The following GLG1 variants were observed in gnomAD, a reference collection of about 807,000 sequenced individuals.
The protein encoded by GLG1 is Golgi apparatus protein 1.
In GLG1, 38 loss-of-function variants were observed where a neutral mutation model predicts 160.5. That is an observed-to-expected ratio of 0.24 (90% CI 0.18 to 0.31). The LOEUF (loss-of-function observed/expected upper bound fraction) is 0.31, where lower values mean the gene tolerates loss of function less well. GLG1 is among the 10% of genes least tolerant of loss of function. The pLI is 1.00. For synonymous variants in GLG1, 644 were observed against 543.4 expected, an observed-to-expected ratio of 1.19 and a Z score of -2.57; for missense variants, 1,373 against 1,505.2, an observed-to-expected ratio of 0.91 and a Z score of 1.45.
intron 1 of GLG1, among the ~76,000 whole-genome samples, chr16:74,573,153 C>T (rs1231986546): frequency 6.6e-6 from 1 of 151,922 alleles, no homozygotes; most frequent in African/African-American, 2.4e-5. Flanking sequence ...GACACATAAG[C>T]CCAGCAAAAA....
chr16:74,507,943 G>C (rs1042586323), intron 3 of GLG1, among the ~76,000 whole-genome samples: 2 of 152,110 alleles, frequency 1.3e-5, no homozygotes, highest in African/African-American at 4.8e-5. Flanking sequence ...AGGAGCTAAA[G>C]ATAAATTTTT....
chr16:74,464,831 AGTTT>A (rs2014940408), intron 19 of GLG1, among the ~76,000 whole-genome samples: 4 of 142,352 alleles, frequency 2.8e-5, no homozygotes, highest in Non-Finnish European at 4.8e-5. Context: ...CTTTAGTTTA[AGTTT>A]AAAAAAAATT....
intron 1 of GLG1, among the ~76,000 whole-genome samples, chr16:74,570,155 GAAT>G (rs2018787032): frequency 6.6e-6 from 1 of 151,762 alleles, no homozygotes; most frequent in Admixed American, 6.6e-5. Context: ...AAATCAATCA[GAAT>G]AATAAATCCA....
At chr16:74,604,830 C>G (rs990792407) in intron 1 of GLG1, among the ~76,000 whole-genome samples, 3 of 152,174 alleles carry the variant, frequency 2.0e-5, no homozygotes, top group African/African-American at 7.2e-5. Flanking sequence ...GCTGGCAGAT[C>G]ACAAGGTCAG....
intron 2 of GLG1, among the ~76,000 whole-genome samples, chr16:74,513,786 GA>G (rs2016887959): frequency 6.6e-6 from 1 of 152,104 alleles, no homozygotes. Flanking sequence ...GAAGGAGAAC[GA>G]ATTTGACAAG....
At chr16:74,523,449 T>A (rs1187779258) in intron 2 of GLG1, among the ~76,000 whole-genome samples, 1 of 152,180 alleles carries the variant, frequency 6.6e-6, no homozygotes, top group African/African-American at 2.4e-5. Flanking sequence ...TGTTTCCACA[T>A]AAATTTTAAA....
intron 1 of GLG1, among the ~76,000 whole-genome samples, chr16:74,547,627 G>T (rs1306985980): frequency 6.6e-6 from 1 of 152,228 alleles, no homozygotes; most frequent in Non-Finnish European, 1.5e-5. Flanking sequence ...GCATGAAAAT[G>T]CTTTGAATGA....
chr16:74,584,791 C>T (rs1374967223), intron 1 of GLG1, among the ~76,000 whole-genome samples: 1 of 152,056 alleles, frequency 6.6e-6, no homozygotes, highest in African/African-American at 2.4e-5. Flanking sequence ...TGGTGCGCGC[C>T]TGTAGTCCCA....
Position 74,508,855 on chromosome 16 carries a change from T to C in GLG1, c.542A>G (p.Lys181Arg), listed in dbSNP as rs1175810278. Reference protein sequence around the residue: ...KFESVAREVCKSTITEIKECA... With the variant: ...KFESVAREVCRSTITEIKECA... ...ACAACTTACCTCTGTTATAGTAGATTTGCAAACCTCTCTGGCCACAGATTC... is the reference window on the plus strand; with the variant it reads ...ACAACTTACCTCTGTTATAGTAGATCTGCAAACCTCTCTGGCCACAGATTC... Residue 181 changes from lysine to arginine, a missense_variant, in exon 3 of 26, where the codon AAA becomes AGA. Around this residue, in one of 4 missense-constraint regions of GLG1, gnomAD observed 322 missense variants for 254.6 expected, o/e 1.26. Transcript: ENST00000422840. 1.3e-6 allele frequency: 2 copies of C among 1,496,890 alleles called. No homozygotes were observed. The highest frequency in any genetic ancestry group is 2.8e-5 in the African/African-American group (2 of 72,648). The allele number at this position is 1,496,890 out of a possible 1,614,324, so 92.7% of individuals were successfully genotyped here. A position where few individuals can be genotyped will look rare whatever the true frequency, so the allele number is the denominator to read the frequency against.
At chr16:74,518,553 G>T (rs1346015585) in intron 2 of GLG1, among the ~76,000 whole-genome samples, 1 of 152,158 alleles carries the variant, frequency 6.6e-6, no homozygotes, top group Non-Finnish European at 1.5e-5. Context: ...ATAAACTCAA[G>T]ATGGATCAAA....
At chr16:74,494,607 A>G (rs1159612540) in intron 6 of GLG1, among the ~76,000 whole-genome samples, 153 bp downstream of exon 6, 2 of 151,932 alleles carry the variant, frequency 1.3e-5, no homozygotes, top group African/African-American at 4.8e-5. Flanking sequence ...GCGTTTCACC[A>G]TCTTGGCCAG....
Position 74,469,000 on chromosome 16 carries a change from C to T in GLG1, c.2382G>A (p.Glu794=). Residue 794 remains glutamate, a synonymous_variant, in exon 17 of 26, where the codon GAG becomes GAA. Transcript: ENST00000422840. ...VRNDTLQEAK[E]HRVSLKCRRQ... ...TGCGGCACTTCAGGGACACCCTGTGCTCCTTGGCTTCCTGCAGAGTGTCAT... is the reference window on the plus strand; with the variant it reads ...TGCGGCACTTCAGGGACACCCTGTGTTCCTTGGCTTCCTGCAGAGTGTCAT... The T allele has an allele frequency of 1.2e-6, 2 of 1,613,944 alleles. No homozygotes were observed. Among genetic ancestry groups the T allele is most frequent in the Non-Finnish European group, 1.7e-6 (2 of 1,179,756 alleles).
At chr16:74,545,961 A>ATTTG (rs2018033532) in intron 1 of GLG1, among the ~76,000 whole-genome samples, 1 of 152,212 alleles carries the variant, frequency 6.6e-6, no homozygotes, top group Non-Finnish European at 1.5e-5. Flanking sequence ...AATGTCATGC[A>ATTTG]TTTGTCTGAG....
At chr16:74,475,722 T>G (rs1454838926) in intron 12 of GLG1, among the ~76,000 whole-genome samples, 1 of 152,256 alleles carries the variant, frequency 6.6e-6, no homozygotes, top group Non-Finnish European at 1.5e-5. Context: ...TTTAACTTAC[T>G]ATTCTGCAAG....
chr16:74,552,669 G>A (rs925618069), intron 1 of GLG1: 2 of 166,242 alleles, frequency 1.2e-5, no homozygotes, highest in Non-Finnish European at 2.6e-5. Flanking sequence ...TGAGAAAGCC[G>A]AGGCTGGGGT....
chr16:74,553,258 C>T (rs1222009331), intron 1 of GLG1, among the ~76,000 whole-genome samples: 3 of 151,572 alleles, frequency 2.0e-5, no homozygotes, highest in Admixed American at 6.6e-5. Context: ...GACAGGGTCT[C>T]GCTATGTTGC....
chr16:74,524,526 G>C (rs1442939698), intron 2 of GLG1, among the ~76,000 whole-genome samples: 1 of 151,214 alleles, frequency 6.6e-6, no homozygotes, highest in African/African-American at 2.4e-5. Flanking sequence ...TATGACAACA[G>C]TACTATGGTC....
At chr16:74,455,534 G>C (rs550882046) in intron 25 of GLG1, among the ~76,000 whole-genome samples, 1 of 152,236 alleles carries the variant, frequency 6.6e-6, no homozygotes, top group African/African-American at 2.4e-5. Flanking sequence ...GCAGAAGGGT[G>C]AGGAGAGTGT....
chr16:74,483,109 C>G lies in GLG1; in HGVS notation c.1587G>C (p.Leu529=), dbSNP rs749999729. The change falls in exon 10 of 26, where the codon CTG becomes CTC. Residue 529 remains leucine (L), a synonymous_variant. Transcript: ENST00000422840. The stretch of plus-strand genomic sequence containing the variant: ...TCTTCTCTGTGTATAAATGTTCCAT[C>G]AGGCACGACAAGATCCTAGCCATTA... ...RSGDPMILSC[L]MEHLYTEKMV... The G allele has an allele frequency of 1.1e-5, 18 of 1,598,872 alleles. No individual in the cohort carries two copies. Among genetic ancestry groups the G allele is most frequent in the Non-Finnish European group, 1.5e-5 (17 of 1,166,496 alleles).
Sources: allele counts gnomAD v4.1 joint callset (sites outside exome capture counted in the v4.1 genomes callset), GRCh38; gene constraint gnomAD v4.1.1; regional missense constraint gnomAD v4.1.1; transcripts MANE v1.5; gene names NCBI Gene and HGNC (gene_info 2026-07-23, HGNC 2026-07-21).